Variants in CSMD1 observed in about 807,000 individuals in gnomAD.
CSMD1 encodes CUB and sushi domain-containing protein 1.
CSMD1 carries 213 observed loss-of-function variants against 417.5 expected under a neutral mutation model. That is an observed-to-expected ratio of 0.51 (90% CI 0.46 to 0.57). CSMD1 has a LOEUF of 0.57. CSMD1 is among the 20% of genes least tolerant of loss of function. CSMD1 has a pLI of 0.00. For missense variants in CSMD1, 6,923 were observed against 4,529.7 expected (o/e 1.53, Z -15.17); for synonymous variants, 2,862 against 1,736.8 (o/e 1.65, Z -16.11).
intron 1 of CSMD1, among the ~76,000 whole-genome samples, chr8:4,916,386 C>G (rs1204423938): frequency 6.6e-6 from 1 of 152,200 alleles, no homozygotes; most frequent in African/African-American, 2.4e-5. Flanking sequence ...GTTATAGATT[C>G]AGAGTACATT....
At chr8:3,345,110 AG>A (rs1413152189) in intron 22 of CSMD1, among the ~76,000 whole-genome samples, 1 of 152,206 alleles carries the variant, frequency 6.6e-6, no homozygotes, top group African/African-American at 2.4e-5. Flanking sequence ...AAATCCATAA[AG>A]ATGGGGAAAT....
chr8:4,963,675 C>G (rs1280377642), intron 1 of CSMD1, among the ~76,000 whole-genome samples: 1 of 152,162 alleles, frequency 6.6e-6, no homozygotes, highest in Non-Finnish European at 1.5e-5. Context: ...CGTTGAAATT[C>G]CTCTGTGTAG....
intron 7 of CSMD1, among the ~76,000 whole-genome samples, chr8:3,704,303 G>A (rs1178165464): frequency 6.6e-6 from 1 of 152,084 alleles, no homozygotes; most frequent in Non-Finnish European, 1.5e-5. Context: ...TCTGTTCTTT[G>A]CGTGATTAGC....
At chr8:4,102,071 C>T (rs938714287) in intron 3 of CSMD1, among the ~76,000 whole-genome samples, 1 of 152,122 alleles carries the variant, frequency 6.6e-6, no homozygotes, top group African/African-American at 2.4e-5. Context: ...GCAAGTTTTA[C>T]CTGCGCTGCA....
intron 3 of CSMD1, among the ~76,000 whole-genome samples, chr8:4,128,870 G>A (rs7826860): frequency 0.038 from 5,745 of 151,950 alleles, 378 homozygotes; most frequent in African/African-American, 0.13. Flanking sequence ...CTGTGCATGC[G>A]CTGTATCATG....
chr8:3,274,136 C>G (rs1162378402), intron 26 of CSMD1, among the ~76,000 whole-genome samples: 11 of 151,696 alleles, frequency 7.3e-5, no homozygotes, highest in African/African-American at 2.4e-4. Flanking sequence ...TGTCTTTGTT[C>G]TCGTTGGTTT....
At chr8:3,673,662 G>T (rs545119485) in intron 7 of CSMD1, among the ~76,000 whole-genome samples, 1 of 152,114 alleles carries the variant, frequency 6.6e-6, no homozygotes, top group East Asian at 1.9e-4. Flanking sequence ...AAGCATTTAC[G>T]GTGTGAGCTA....
At position 4,994,195 on chromosome 8, in the gene CSMD1, C is replaced by A. The variant is rs1811633215; in HGVS notation, c.85+137G>T. ...GCTCCCTCCCGTGCATCGCGTTCCCCGAGCTTCGGCGATGGAGCAGCGCCG... is the reference window on the plus strand; with the variant it reads ...GCTCCCTCCCGTGCATCGCGTTCCCAGAGCTTCGGCGATGGAGCAGCGCCG... On this transcript the variant is annotated intron_variant, in intron 1 of 69. Transcript: ENST00000635120. 4 of 722,230 alleles carry A rather than the reference C, an allele frequency of 5.5e-6. No individual in the cohort carries two copies. The East Asian group carries it at 1.1e-4, about 20-fold the overall frequency. The allele number at this position is 722,230 out of a possible 1,614,324, so 44.7% of individuals were successfully genotyped here. A position where few individuals can be genotyped will look rare whatever the true frequency, so the allele number is the denominator to read the frequency against.
chr8:4,297,561 ATGT>A (rs1200012425), intron 3 of CSMD1, among the ~76,000 whole-genome samples: 1 of 152,166 alleles, frequency 6.6e-6, no homozygotes, highest in Non-Finnish European at 1.5e-5. Context: ...ATAATGCTAA[ATGT>A]TGTTATTTTA....
intron 4 of CSMD1, among the ~76,000 whole-genome samples, chr8:4,003,822 T>C (rs887980286): frequency 2.1e-5 from 3 of 146,306 alleles, no homozygotes; most frequent in Non-Finnish European, 3.0e-5. Context: ...GTGTCTGATA[T>C]TCTACCAAGG....
chr8:3,106,313 C>T (rs1359110361), intron 46 of CSMD1, among the ~76,000 whole-genome samples: 1 of 151,946 alleles, frequency 6.6e-6, no homozygotes, highest in African/African-American at 2.4e-5. Flanking sequence ...AGGAGGATCA[C>T]CTGAGACCAG....
intron 5 of CSMD1, among the ~76,000 whole-genome samples, chr8:3,936,648 T>TATTCTGTAGATTTGTGCTCTGTACA: frequency 6.6e-6 from 1 of 152,308 alleles, no homozygotes; most frequent in East Asian, 1.9e-4. Flanking sequence ...GATTCCTTTC[T>TATTCTGTAGATTTGTGCTCTGTACA]AAATATTGCT....
In CSMD1 at chr8:3,411,093, G is replaced by C. The variant is rs188188089; in HGVS notation, c.1562-1488C>G. On this transcript the variant is annotated intron_variant, in intron 12 of 69. Transcript: ENST00000635120. ...CTGTTGGGCTTCCTGTTTGTGCAGA[G>C]TGATGCAGGAAGAAGGCACTGCAGA... is the stretch of plus-strand genomic sequence containing the variant. 1.4e-3 allele frequency among the ~76,000 whole-genome samples: 209 copies of C among 152,310 alleles called. 1 individual carries two copies. The highest frequency in any genetic ancestry group is 0.012 in the Admixed American group (179 of 15,302).
intron 10 of CSMD1, among the ~76,000 whole-genome samples, chr8:3,553,865 A>G (rs1199329292): frequency 6.6e-6 from 1 of 152,234 alleles, no homozygotes. Flanking sequence ...ACATATGCCA[A>G]ACACGTACAC....
At chr8:4,298,720 T>C (rs1427998091) in intron 3 of CSMD1, among the ~76,000 whole-genome samples, 1 of 152,254 alleles carries the variant, frequency 6.6e-6, no homozygotes, top group African/African-American at 2.4e-5. Flanking sequence ...TCAAGTATTT[T>C]CTTCCAACTA....
chr8:4,102,531 T>C (rs963621719), intron 3 of CSMD1, among the ~76,000 whole-genome samples: 6 of 152,144 alleles, frequency 3.9e-5, no homozygotes, highest in Non-Finnish European at 7.4e-5. Flanking sequence ...GGGAGGCTTA[T>C]GGTCACTGAA....
chr8:4,038,505 T>G (rs568884116), intron 3 of CSMD1, among the ~76,000 whole-genome samples: 1 of 152,312 alleles, frequency 6.6e-6, no homozygotes, highest in South Asian at 2.1e-4. Flanking sequence ...TTCAACCCAA[T>G]GTCATTTCTG....
chr8:3,690,599 G>A (rs1310363188), intron 7 of CSMD1, among the ~76,000 whole-genome samples: 4 of 152,090 alleles, frequency 2.6e-5, no homozygotes, highest in South Asian at 2.1e-4. Flanking sequence ...GTGATTCAAC[G>A]GTACTGTGAT....
intron 3 of CSMD1, among the ~76,000 whole-genome samples, chr8:4,232,934 A>C (rs1396559898): frequency 1.3e-5 from 2 of 152,200 alleles, no homozygotes; most frequent in Non-Finnish European, 2.9e-5. Context: ...TGTTCCAAAA[A>C]GTTTTCTGCA....
Sources: gnomAD v4.1 joint callset for allele counts (sites outside exome capture counted in the v4.1 genomes callset) on GRCh38, gnomAD v4.1.1 for gene constraint, MANE v1.5 for transcripts, NCBI Gene and HGNC (gene_info 2026-07-23, HGNC 2026-07-21) for gene names.